Variants in WDR64 observed in about 807,000 individuals in gnomAD.
The protein encoded by WDR64 is WD repeat domain 64.
A neutral mutation model predicts 139.3 loss-of-function variants in WDR64; 112 were observed. The observed-to-expected ratio is 0.80, with a 90% CI of 0.69 to 0.94. WDR64 has a LOEUF of 0.94. Ranked by LOEUF, WDR64 falls within the 40% of genes least tolerant of loss-of-function variation. WDR64 has a pLI of 0.00. For synonymous variants in WDR64, 444 were observed against 437.7 expected (o/e 1.01, Z -0.18); for missense variants, 1,206 against 1,293.1 (o/e 0.93, Z 1.03).
intron 9 of WDR64, among the ~76,000 whole-genome samples, chr1:241,722,674 G>C (rs1188535779): frequency 6.6e-6 from 1 of 152,064 alleles, no homozygotes; most frequent in Non-Finnish European, 1.5e-5. Flanking sequence ...TTTTTAAAAA[G>C]TTAACAGTGA....
intron 9 of WDR64, among the ~76,000 whole-genome samples, chr1:241,720,900 T>A (rs917175924): frequency 2.6e-5 from 4 of 152,188 alleles, no homozygotes; most frequent in Admixed American, 6.5e-5. Context: ...ATTGCCTAGA[T>A]TTTCTTCTAG....
At chr1:241,771,230 G>C (rs890506895) in intron 18 of WDR64, among the ~76,000 whole-genome samples, 7 of 152,194 alleles carry the variant, frequency 4.6e-5, no homozygotes, top group African/African-American at 1.7e-4. Context: ...AACTTACATG[G>C]AAGCAAAAGC....
At chr1:241,690,117 T>A (rs1421984191) in intron 8 of WDR64, among the ~76,000 whole-genome samples, 1 of 151,908 alleles carries the variant, frequency 6.6e-6, no homozygotes, top group African/African-American at 2.4e-5. Context: ...CCAAGAAGGA[T>A]AAATGCCAAA....
chr1:241,698,000 C>T (rs1667563485), intron 8 of WDR64, among the ~76,000 whole-genome samples: 1 of 152,144 alleles, frequency 6.6e-6, no homozygotes, highest in Non-Finnish European at 1.5e-5. Context: ...TTTCTTCTTA[C>T]ATTCTATCCT....
intron 4 of WDR64, among the ~76,000 whole-genome samples, chr1:241,675,103 T>TC (rs1390076244): frequency 4.1e-5 from 5 of 120,734 alleles, no homozygotes; most frequent in African/African-American, 1.7e-4. Context: ...CCTCCCTCCC[T>TC]CCTTCCTTCC....
At chr1:241,672,025 A>C (rs1666250362) in intron 3 of WDR64, among the ~76,000 whole-genome samples, 2 of 152,052 alleles carry the variant, frequency 1.3e-5, no homozygotes, top group African/African-American at 4.8e-5. Flanking sequence ...AAATACAAAA[A>C]TTAGCCAGCC....
At chr1:241,682,752 T>C (rs1666858108) in intron 6 of WDR64, among the ~76,000 whole-genome samples, 1 of 152,202 alleles carries the variant, frequency 6.6e-6, no homozygotes, top group East Asian at 1.9e-4. Context: ...AAATGTTACT[T>C]TCTCTGGCCA....
At chr1:241,799,191 CTT>C (rs891868099) in intron 27 of WDR64, among the ~76,000 whole-genome samples, 51 of 67,928 alleles carry the variant, frequency 7.5e-4, no homozygotes, top group African/African-American at 3.7e-3. Flanking sequence ...CACAGTGAGA[CTT>C]TGTCTCTCCA....
intron 16 of WDR64, among the ~76,000 whole-genome samples, chr1:241,767,616 A>G (rs754938930): frequency 3.3e-5 from 5 of 152,210 alleles, no homozygotes; most frequent in African/African-American, 4.8e-5. Context: ...TGGAAAGGAC[A>G]GGAGAAAAGG....
At chr1:241,660,405 A>T in intron 1 of WDR64, 125 bp from the exon 2 acceptor site, 1 of 1,245,426 alleles carries the variant, frequency 8.0e-7, no homozygotes, top group Non-Finnish European at 1.1e-6. Context: ...TTTAAAATGC[A>T]AATATATCTG....
intron 22 of WDR64, 29 bp downstream of exon 22, chr1:241,780,091 T>C: frequency 6.5e-7 from 1 of 1,544,458 alleles, no homozygotes; most frequent in East Asian, 2.3e-5. Flanking sequence ...CACTTTAATT[T>C]ATGAGTCAGC....
chr1:241,711,228 C>A (rs1369066543), intron 8 of WDR64, among the ~76,000 whole-genome samples: 1 of 104,992 alleles, frequency 9.5e-6, no homozygotes, highest in Non-Finnish European at 2.0e-5. Context: ...CAAAACGAGA[C>A]CTTGTCTCAA....
intron 14 of WDR64, among the ~76,000 whole-genome samples, chr1:241,752,835 A>G (rs932583682): frequency 6.6e-6 from 1 of 152,290 alleles, no homozygotes; most frequent in East Asian, 1.9e-4. Context: ...TGGGCGACAG[A>G]GCAAGACTCT....
At chr1:241,726,039 G>C (rs956967793) in intron 10 of WDR64, among the ~76,000 whole-genome samples, 1 of 124,596 alleles carries the variant, frequency 8.0e-6, no homozygotes, top group Non-Finnish European at 1.8e-5. Context: ...TTTGTAGAGA[G>C]CTCTCTTTTT....
chr1:241,698,319 T>C (rs1667576666), intron 8 of WDR64, among the ~76,000 whole-genome samples: 1 of 152,178 alleles, frequency 6.6e-6, no homozygotes, highest in South Asian at 2.1e-4. Context: ...TTTGTCCATA[T>C]TGCCTCATAA....
At position 241,749,466 on chromosome 1, in the gene WDR64, C is replaced by T. The variant is rs1334630778; in HGVS notation, c.1595-81C>T. The T allele has an allele frequency of 6.8e-6, 10 of 1,477,318 alleles. No homozygotes were observed. In the East Asian group the frequency reaches 2.0e-4, roughly 30 times the overall value. The allele number at this position is 1,477,318 out of a possible 1,614,324, so 91.5% of individuals were successfully genotyped here. On this transcript the variant is annotated intron_variant, in intron 13 of 27. Coordinates refer to ENST00000437684, the MANE Select transcript of WDR64 (RefSeq NM_001367482.1). ...AAATTGTTGGCAGAAAGCTTTCGATCGGATGAATTTTCTCTGAGCGAAAAG... is the reference window on the plus strand; with the variant it reads ...AAATTGTTGGCAGAAAGCTTTCGATTGGATGAATTTTCTCTGAGCGAAAAG...
In WDR64 at chr1:241,783,359, G is replaced by A. The variant is rs1558523614; in HGVS notation, c.2683G>A (p.Ala895Thr). Residue 895 changes from alanine (A) to threonine (T), a missense_variant, in exon 23 of 28, where the codon GCC becomes ACC. Coordinates refer to ENST00000437684, the MANE Select transcript of WDR64 (RefSeq NM_001367482.1). ...YVEEKQVVLT[A>T]SIDGSVRLWH... is the part of the protein sequence containing the mutation. ...AGAAGAAAAACAAGTGGTACTTACT[G>A]CCTCCATCGATGGCTCAGTAAGGTA... 4 of 1,613,952 alleles carry A rather than the reference G, an allele frequency of 2.5e-6. No homozygotes were observed. The highest frequency in any genetic ancestry group is 3.4e-6 in the Non-Finnish European group (4 of 1,179,922).
intron 8 of WDR64, among the ~76,000 whole-genome samples, chr1:241,695,283 C>T (rs1410203896): frequency 1.3e-5 from 2 of 152,128 alleles, no homozygotes; most frequent in African/African-American, 4.8e-5. Flanking sequence ...AAAATATCCT[C>T]AGAAAATACT....
rs564559231 is a variant in WDR64, at chr1:241,764,266, C to T, written c.1948-1952C>T. On this transcript the variant is annotated intron_variant, in intron 15 of 27. Transcript: ENST00000437684. The stretch of plus-strand genomic sequence containing the variant: ...ACGATCAGATTTGTGCTGTGGGCAG[C>T]TCATCTTTGATGCTGCCTGGATGAC... Among the ~76,000 whole-genome samples, 7 of 152,254 alleles carry T rather than the reference C, an allele frequency of 4.6e-5. No individual in the cohort carries two copies. In the South Asian group the frequency reaches 1.2e-3, roughly 27 times the overall value.
Sources: allele counts gnomAD v4.1 joint callset (sites outside exome capture counted in the v4.1 genomes callset), GRCh38; gene constraint gnomAD v4.1.1; transcripts MANE v1.5; gene names NCBI Gene and HGNC (gene_info 2026-07-23, HGNC 2026-07-21).